The following CTNNA3 variants were observed in gnomAD, a reference collection of about 807,000 sequenced individuals.
The protein encoded by CTNNA3 is catenin alpha 3.
Under a neutral mutation model 95.7 loss-of-function variants are expected in CTNNA3, and 76 were observed. The ratio of observed to expected loss-of-function variants is 0.79; its 90% confidence interval spans 0.66 to 0.96. The LOEUF (loss-of-function observed/expected upper bound fraction) is 0.96, where lower values mean the gene tolerates loss of function less well. CTNNA3 is among the 40% of genes least tolerant of loss of function. CTNNA3 has a pLI of 0.00. For missense variants in CTNNA3, 1,191 were observed against 1,089.8 expected, an observed-to-expected ratio of 1.09 and a Z score of -1.31; for synonymous variants, 431 against 374.4, an observed-to-expected ratio of 1.15 and a Z score of -1.74.
chr10:66,269,034 T>C (rs1269429856), intron 13 of CTNNA3, among the ~76,000 whole-genome samples: 2 of 152,202 alleles, frequency 1.3e-5, no homozygotes, highest in African/African-American at 4.8e-5. Flanking sequence ...GCAAGTAGTA[T>C]TTGTTATTCT....
At chr10:67,560,602 A>G (rs1211925033) in intron 3 of CTNNA3, among the ~76,000 whole-genome samples, 2 of 152,224 alleles carry the variant, frequency 1.3e-5, no homozygotes, top group East Asian at 3.8e-4. Context: ...TAGGCAGCTA[A>G]CATCATAATG....
intron 11 of CTNNA3, among the ~76,000 whole-genome samples, chr10:66,417,596 G>T (rs2093157854): frequency 6.6e-6 from 1 of 152,022 alleles, no homozygotes; most frequent in South Asian, 2.1e-4. Flanking sequence ...TAATCATACA[G>T]AATATTCTCT....
At chr10:66,698,986 A>C (rs577503761) in intron 9 of CTNNA3, among the ~76,000 whole-genome samples, 2 of 152,320 alleles carry the variant, frequency 1.3e-5, no homozygotes, top group Admixed American at 1.3e-4. Flanking sequence ...GACTGGCCTG[A>C]GTAGCAGAAT....
At chr10:66,949,346 C>T (rs1441828724) in intron 7 of CTNNA3, among the ~76,000 whole-genome samples, 6 of 151,984 alleles carry the variant, frequency 3.9e-5, no homozygotes, top group East Asian at 1.9e-4. Context: ...CACCTGAGGT[C>T]GGGAGTTGGA....
At position 66,809,705 on chromosome 10, in the gene CTNNA3, T is replaced by A. The variant is rs193008178; in HGVS notation, c.1048-34181A>T. Among the ~76,000 whole-genome samples, 274 of 152,340 alleles carry A rather than the reference T, an allele frequency of 1.8e-3. 1 individual carries two copies. The highest frequency in any genetic ancestry group is 6.4e-3 in the African/African-American group (266 of 41,572). ...AGGATCAATCTTCAGTATTTCTTAA[T>A]ATTATATGATGGTTTTGATTAGTTA... On this transcript the variant is annotated intron_variant, in intron 7 of 17. Coordinates refer to ENST00000433211, the MANE Select transcript of CTNNA3 (RefSeq NM_013266.4).
chr10:66,449,590 A>G (rs1024033926), intron 11 of CTNNA3, among the ~76,000 whole-genome samples: 19 of 152,204 alleles, frequency 1.2e-4, no homozygotes, highest in African/African-American at 4.3e-4. Context: ...AGCTTTTTCA[A>G]TTCCAGGAAA....
At chr10:67,396,356 A>G (rs1844706141) in intron 5 of CTNNA3, among the ~76,000 whole-genome samples, 1 of 152,214 alleles carries the variant, frequency 6.6e-6, no homozygotes, top group Non-Finnish European at 1.5e-5. Flanking sequence ...TTCAATAGAT[A>G]TTATCATTAT....
intron 7 of CTNNA3, among the ~76,000 whole-genome samples, chr10:66,996,558 G>T (rs1851354300): frequency 7.1e-6 from 1 of 141,352 alleles, no homozygotes. Flanking sequence ...TGAGGCAGGA[G>T]AATTGCTTGA....
At chr10:67,726,482 T>C (rs1169190932) in intron 1 of CTNNA3, among the ~76,000 whole-genome samples, 34 of 48,304 alleles carry the variant, frequency 7.0e-4, no homozygotes, top group African/African-American at 2.6e-3. Flanking sequence ...TATTATATAT[T>C]ATATCATATA....
intron 5 of CTNNA3, among the ~76,000 whole-genome samples, chr10:67,327,654 C>T (rs917282458): frequency 8.5e-5 from 13 of 152,162 alleles, no homozygotes; most frequent in South Asian, 2.1e-4. Flanking sequence ...TACACTCCAA[C>T]GGGTGGTGTC....
chr10:66,092,147 T>G (rs2133696921), intron 14 of CTNNA3, among the ~76,000 whole-genome samples: 1 of 151,954 alleles, frequency 6.6e-6, no homozygotes, highest in East Asian at 1.9e-4. Flanking sequence ...TTTTAGCAAA[T>G]TTAGTTAGTT....
At chr10:67,082,745 A>G (rs1290773877) in intron 7 of CTNNA3, among the ~76,000 whole-genome samples, 2 of 152,188 alleles carry the variant, frequency 1.3e-5, no homozygotes, top group African/African-American at 4.8e-5. Context: ...ACATCAGCAT[A>G]GAGAAGAGGA....
chr10:66,044,304 C>A (rs1446168731), intron 15 of CTNNA3, among the ~76,000 whole-genome samples: 1 of 152,024 alleles, frequency 6.6e-6, no homozygotes, highest in Non-Finnish European at 1.5e-5. Context: ...CATTTTTTAT[C>A]CAGAAAAATC....
intron 9 of CTNNA3, among the ~76,000 whole-genome samples, chr10:66,754,662 T>A (rs1398671575): frequency 2.0e-5 from 3 of 151,984 alleles, no homozygotes; most frequent in African/African-American, 7.2e-5. Context: ...GGGCAAAGGA[T>A]CCAAATAGAT....
chr10:66,241,165 A>C (rs375391543), intron 13 of CTNNA3, among the ~76,000 whole-genome samples: 5 of 148,598 alleles, frequency 3.4e-5, no homozygotes, highest in East Asian at 2.0e-4. Context: ...TTAAAAAAAA[A>C]CAAAATAAAT....
chr10:67,506,085 G>C (rs1350704125), intron 5 of CTNNA3, among the ~76,000 whole-genome samples: 1 of 152,188 alleles, frequency 6.6e-6, no homozygotes, highest in Non-Finnish European at 1.5e-5. Flanking sequence ...CCACAGAAGA[G>C]AGAAAAGCAA....
At chr10:66,392,939 T>C (rs2092945272) in intron 11 of CTNNA3, among the ~76,000 whole-genome samples, 1 of 152,004 alleles carries the variant, frequency 6.6e-6, no homozygotes, top group Non-Finnish European at 1.5e-5. Flanking sequence ...ACACAAAACC[T>C]GCACATGTGT....
chr10:66,362,514 TGG>T (rs2092683761), intron 12 of CTNNA3, among the ~76,000 whole-genome samples: 1 of 151,472 alleles, frequency 6.6e-6, no homozygotes, highest in African/African-American at 2.4e-5. Flanking sequence ...AGTTTGAGAC[TGG>T]CCTGGCCAAC....
At chr10:66,117,311 TTACA>T (rs2082382956) in intron 13 of CTNNA3, among the ~76,000 whole-genome samples, 1 of 152,190 alleles carries the variant, frequency 6.6e-6, no homozygotes, top group African/African-American at 2.4e-5. Context: ...TGAACTCTTA[TTACA>T]TAGTGTAACA....
Sources: allele counts gnomAD v4.1 joint callset (sites outside exome capture counted in the v4.1 genomes callset), GRCh38; gene constraint gnomAD v4.1.1; transcripts MANE v1.5; gene names NCBI Gene and HGNC (gene_info 2026-07-23, HGNC 2026-07-21).